PTPRD: variants seen among roughly 807,000 people sequenced by gnomAD.
PTPRD encodes receptor-type tyrosine-protein phosphatase delta.
Under a neutral mutation model 214.5 loss-of-function variants are expected in PTPRD, and 34 were observed. The observed-to-expected ratio is 0.16, with a 90% CI of 0.12 to 0.21. The LOEUF is 0.21. Ranked by LOEUF, PTPRD falls within the 10% of genes least tolerant of loss-of-function variation. The pLI is 1.00. For synonymous variants in PTPRD, 1,128 were observed against 845.7 expected, an observed-to-expected ratio of 1.33 and a Z score of -5.79; for missense variants, 2,545 against 2,398.7, an observed-to-expected ratio of 1.06 and a Z score of -1.27.
At chr9:9,155,122 G>C (rs2099880111) in intron 10 of PTPRD, among the ~76,000 whole-genome samples, 1 of 152,142 alleles carries the variant, frequency 6.6e-6, no homozygotes, top group Admixed American at 6.6e-5. Flanking sequence ...ACGAAATGAC[G>C]ATTGCCTTAG....
chr9:10,235,456 G>C (rs917524100), intron 3 of PTPRD, among the ~76,000 whole-genome samples: 1 of 151,868 alleles, frequency 6.6e-6, no homozygotes, highest in Admixed American at 6.6e-5. Flanking sequence ...TGTCAGAAAG[G>C]GTGGAACCAG....
At chr9:10,005,326 C>A (rs1356138285) in intron 4 of PTPRD, among the ~76,000 whole-genome samples, 1 of 152,048 alleles carries the variant, frequency 6.6e-6, no homozygotes, top group Non-Finnish European at 1.5e-5. Context: ...ATGGCTATTT[C>A]TTTTCGAGGC....
chr9:8,356,580 C>G (rs1275077723), intron 39 of PTPRD, among the ~76,000 whole-genome samples: 1 of 152,180 alleles, frequency 6.6e-6, no homozygotes, highest in Non-Finnish European at 1.5e-5. Context: ...ATACCCCTGT[C>G]CAGATCTCAG....
chr9:10,107,461 C>A (rs1022549396), intron 3 of PTPRD, among the ~76,000 whole-genome samples: 3 of 151,988 alleles, frequency 2.0e-5, no homozygotes, highest in Non-Finnish European at 4.4e-5. Flanking sequence ...GTTAGAATGA[C>A]CCCCAGAGTT....
At chr9:9,900,055 T>C (rs938671684) in intron 5 of PTPRD, among the ~76,000 whole-genome samples, 5 of 152,126 alleles carry the variant, frequency 3.3e-5, no homozygotes, top group Non-Finnish European at 5.9e-5. Context: ...TGAAGAAATA[T>C]TCTGTGTTCA....
chr9:10,585,155 C>G (rs2073478355), intron 2 of PTPRD, among the ~76,000 whole-genome samples: 1 of 151,890 alleles, frequency 6.6e-6, no homozygotes, highest in African/African-American at 2.4e-5. Flanking sequence ...GGGAGAATTA[C>G]ACAAATAGTG....
At chr9:8,419,210 A>C (rs924351734) in intron 35 of PTPRD, among the ~76,000 whole-genome samples, 3 of 150,844 alleles carry the variant, frequency 2.0e-5, no homozygotes, top group Non-Finnish European at 4.4e-5. Flanking sequence ...TGGGAGACAA[A>C]GCATGACCCA....
intron 10 of PTPRD, among the ~76,000 whole-genome samples, chr9:9,169,814 C>T (rs1333210821): frequency 6.6e-6 from 1 of 152,158 alleles, no homozygotes; most frequent in African/African-American, 2.4e-5. Flanking sequence ...CCAAAGAAAA[C>T]TAAAACAACA....
intron 11 of PTPRD, among the ~76,000 whole-genome samples, chr9:8,781,704 C>T (rs1190330807): frequency 1.3e-5 from 2 of 152,130 alleles, no homozygotes; most frequent in East Asian, 3.9e-4. Context: ...GAATCTTAAT[C>T]AGACTGTGCA....
chr9:10,166,024 C>T (rs1389689962), intron 3 of PTPRD, among the ~76,000 whole-genome samples: 1 of 149,126 alleles, frequency 6.7e-6, no homozygotes, highest in African/African-American at 2.4e-5. Context: ...TAATACATAT[C>T]ATATATATTA....
At chr9:8,473,428 G>A (rs1229690612) in intron 30 of PTPRD, among the ~76,000 whole-genome samples, 1 of 152,256 alleles carries the variant, frequency 6.6e-6, no homozygotes, top group East Asian at 1.9e-4. Context: ...GAGCATGGAG[G>A]AGAATGACAG....
chr9:9,050,059 T>C (rs1430550755), intron 10 of PTPRD, among the ~76,000 whole-genome samples: 1 of 152,326 alleles, frequency 6.6e-6, no homozygotes, highest in Admixed American at 6.5e-5. Context: ...CCATTACTTA[T>C]CATCTATGTG....
At chr9:9,222,529 T>C (rs1265784012) in intron 9 of PTPRD, among the ~76,000 whole-genome samples, 2 of 152,076 alleles carry the variant, frequency 1.3e-5, no homozygotes, top group African/African-American at 4.8e-5. Flanking sequence ...TATTTTGGCA[T>C]AGTTCTAGAA....
At chr9:10,230,232 ATCT>A (rs1392580760) in intron 3 of PTPRD, among the ~76,000 whole-genome samples, 1 of 152,030 alleles carries the variant, frequency 6.6e-6, no homozygotes, top group Non-Finnish European at 1.5e-5. Flanking sequence ...TCCTACCAAC[ATCT>A]TCATCTTTCA....
intron 5 of PTPRD, among the ~76,000 whole-genome samples, chr9:9,811,865 G>A (rs1270568399): frequency 6.6e-6 from 1 of 152,162 alleles, no homozygotes; most frequent in Non-Finnish European, 1.5e-5. Flanking sequence ...TGTGAAAGAA[G>A]TCCTATTGTG....
At chr9:8,851,953 C>T (rs1325078495) in intron 11 of PTPRD, among the ~76,000 whole-genome samples, 1 of 152,076 alleles carries the variant, frequency 6.6e-6, no homozygotes, top group African/African-American at 2.4e-5. Context: ...GTATTACATG[C>T]ACGCATGGTT....
intron 14 of PTPRD, among the ~76,000 whole-genome samples, chr9:8,595,516 A>G (rs1265256393): frequency 1.3e-5 from 2 of 152,182 alleles, no homozygotes; most frequent in Non-Finnish European, 1.5e-5. Flanking sequence ...TAGACTTTAT[A>G]TATGTATGTA....
At chr9:10,579,692 T>C (rs1163234867) in intron 2 of PTPRD, among the ~76,000 whole-genome samples, 1 of 152,226 alleles carries the variant, frequency 6.6e-6, no homozygotes, top group African/African-American at 2.4e-5. Flanking sequence ...TCCAAACTGC[T>C]TTCCACAATG....
intron 11 of PTPRD, among the ~76,000 whole-genome samples, chr9:8,997,571 T>C (rs535593799): frequency 6.6e-6 from 1 of 152,170 alleles, no homozygotes; most frequent in Admixed American, 6.6e-5. Flanking sequence ...CCCATCTCTC[T>C]GCCTCTTCTT....
Sources: gnomAD v4.1 joint callset for allele counts (sites outside exome capture counted in the v4.1 genomes callset) on GRCh38, gnomAD v4.1.1 for gene constraint, MANE v1.5 for transcripts, NCBI Gene and HGNC (gene_info 2026-07-23, HGNC 2026-07-21) for gene names.